The following MPDZ variants were observed in gnomAD, a reference collection of about 807,000 sequenced individuals.
MPDZ encodes the protein multiple PDZ domain crumbs cell polarity complex component, also known as multiple PDZ domain protein.
In MPDZ, 234 loss-of-function variants were observed where a neutral mutation model predicts 239.1. The ratio of observed to expected loss-of-function variants is 0.98; its 90% CI spans 0.88 to 1.09. The LOEUF is 1.09. MPDZ is among the 50% of genes least tolerant of loss of function. The probability of loss-of-function intolerance (pLI) is 0.00; values close to 1 mark genes in which losing one functional copy is unlikely to be tolerated. For missense variants in MPDZ, 3,175 were observed against 2,510.0 expected, an observed-to-expected ratio of 1.26 and a Z score of -5.66; for synonymous variants, 1,048 against 881.3, an observed-to-expected ratio of 1.19 and a Z score of -3.35.
At chr9:13,275,039 T>C (rs1010603947) in intron 1 of MPDZ, among the ~76,000 whole-genome samples, 1 of 152,216 alleles carries the variant, frequency 6.6e-6, no homozygotes, top group Admixed American at 6.5e-5. Flanking sequence ...AATACCTTTG[T>C]CCTCAAATAG....
At chr9:13,146,022 A>C (rs1948389070) in intron 26 of MPDZ, among the ~76,000 whole-genome samples, 2 of 152,110 alleles carry the variant, frequency 1.3e-5, no homozygotes, top group Non-Finnish European at 1.5e-5. Context: ...TTTAACACAC[A>C]AATGGGAATA....
chr9:13,242,714 A>G (rs767948892), intron 3 of MPDZ, among the ~76,000 whole-genome samples: 1 of 152,124 alleles, frequency 6.6e-6, no homozygotes, highest in African/African-American at 2.4e-5. Flanking sequence ...TCTCCTGCCA[A>G]TACCCCTCAT....
chr9:13,219,968 CAT>C (rs1335371574), intron 7 of MPDZ, among the ~76,000 whole-genome samples, 200 bp from the exon 8 acceptor site: 1 of 151,932 alleles, frequency 6.6e-6, no homozygotes, highest in Non-Finnish European at 1.5e-5. Flanking sequence ...ATGAAATTCA[CAT>C]ATAGTCTTTA....
chr9:13,222,259 T>C lies in MPDZ; in HGVS notation c.721A>G (p.Ser241Gly). ...GGATTAGAGTGAGCTGAAATTGTGC[T>C]GGCTGCAGATGGAGAACGGGAAACT... ...PIVSRSPSAA[S>G]TISAHSNPVH... The change falls in exon 6 of 47, where the codon AGC becomes GGC. Residue 241 changes from serine (S) to glycine (G), a missense_variant. Transcript: ENST00000319217. 1 of 1,612,644 alleles carries C rather than the reference T, an allele frequency of 6.2e-7. No individual in the cohort carries two copies. Among genetic ancestry groups the C allele is most frequent in the African/African-American group, 1.3e-5 (1 of 74,978 alleles).
chr9:13,226,700 C>G (rs147451285), intron 3 of MPDZ, among the ~76,000 whole-genome samples: 1 of 152,134 alleles, frequency 6.6e-6, no homozygotes, highest in South Asian at 2.1e-4. Flanking sequence ...GATCCACACC[C>G]TGCTGTCATG....
chr9:13,144,128 G>T (rs573523282), intron 26 of MPDZ, among the ~76,000 whole-genome samples: 1 of 152,004 alleles, frequency 6.6e-6, no homozygotes, highest in Non-Finnish European at 1.5e-5. Flanking sequence ...TAAAAAAACA[G>T]TAATTTATTA....
intron 12 of MPDZ, 89 bp from the exon 13 acceptor site, chr9:13,196,319 C>G (rs1433308458): frequency 1.2e-6 from 1 of 839,334 alleles, no homozygotes; most frequent in African/African-American, 1.7e-5. Context: ...TGATCAGAAC[C>G]CGCTGTATCA....
At chr9:13,125,502 G>C (rs1359655646) in intron 34 of MPDZ, 112 bp from the exon 35 acceptor site, 1 of 920,728 alleles carries the variant, frequency 1.1e-6, no homozygotes, top group East Asian at 2.7e-5. Context: ...TAAGGGGAGG[G>C]ACAGATGCAA....
Position 13,122,301 on chromosome 9 carries a change from G to A in MPDZ, c.4954-131C>T, listed in dbSNP as rs1944467609. 4.0e-6 allele frequency: 3 copies of A among 751,838 alleles called. No homozygotes were observed. In the East Asian group the frequency reaches 8.1e-5, roughly 20 times the overall value. 46.6% of individuals were successfully genotyped at this position (751,838 alleles called of 1,614,324 possible). A position where few individuals can be genotyped will look rare whatever the true frequency, so the allele number is the denominator to read the frequency against. ...TATAAACTCTGGCTCTACAGTACAAGCTCCATATAATTCAAGGGAAAGTGT... is the reference window on the plus strand; with the variant it reads ...TATAAACTCTGGCTCTACAGTACAAACTCCATATAATTCAAGGGAAAGTGT... On this transcript the variant is annotated intron_variant, in intron 36 of 46. Coordinates refer to ENST00000319217, the MANE Select transcript of MPDZ (RefSeq NM_001378778.1).
chr9:13,254,162 G>A (rs755116986), intron 1 of MPDZ, among the ~76,000 whole-genome samples: 1 of 152,196 alleles, frequency 6.6e-6, no homozygotes, highest in Non-Finnish European at 1.5e-5. Flanking sequence ...AATAAAGTCT[G>A]AAATGGAATA....
intron 10 of MPDZ, among the ~76,000 whole-genome samples, chr9:13,210,568 T>A (rs1957504829): frequency 6.6e-6 from 1 of 152,024 alleles, no homozygotes; most frequent in Non-Finnish European, 1.5e-5. Context: ...GAAGAGGTTG[T>A]TTAGCTGCTT....
At chr9:13,226,364 G>T (rs182349762) in intron 3 of MPDZ, among the ~76,000 whole-genome samples, 1 of 152,196 alleles carries the variant, frequency 6.6e-6, no homozygotes, top group Admixed American at 6.5e-5. Context: ...TGCCTGGATT[G>T]TGACTTTTTA....
Position 13,219,735 on chromosome 9 carries a change from T to C in MPDZ, c.910A>G (p.Lys304Glu). Reference sequence around the variant, plus strand: ...CCTGCTAGATCTGTGTCACCAATCTTTAGAATGTGGTCTCCACTGCATAAA... The same window carrying C: ...CCTGCTAGATCTGTGTCACCAATCTCTAGAATGTGGTCTCCACTGCATAAA... Reference protein sequence around the residue: ...GRLCSGDHILKIGDTDLAGMS... With the variant: ...GRLCSGDHILEIGDTDLAGMS... The change falls in exon 8 of 47, where the codon AAG (lysine) becomes GAG (glutamate). Residue 304 changes from lysine (K) to glutamate (E), a missense_variant. Lys to Glu is a moderately conservative substitution (Grantham distance 56). Transcript: ENST00000319217. The C allele has an allele frequency of 6.2e-7, 1 of 1,612,634 alleles. No individual in the cohort carries two copies. The highest frequency in any genetic ancestry group is 8.5e-7 in the Non-Finnish European group (1 of 1,179,130).
intron 1 of MPDZ, among the ~76,000 whole-genome samples, chr9:13,267,410 A>T (rs1972027633): frequency 6.6e-6 from 1 of 152,176 alleles, no homozygotes; most frequent in Non-Finnish European, 1.5e-5. Flanking sequence ...AGGTTCAGAA[A>T]GATAGTGTTT....
chr9:13,225,088 A>C (rs763958912), intron 3 of MPDZ, among the ~76,000 whole-genome samples: 1 of 152,122 alleles, frequency 6.6e-6, no homozygotes, highest in African/African-American at 2.4e-5. Flanking sequence ...CCAATAAAAA[A>C]TGCTGAACAC....
rs1191543682 is a variant in MPDZ, at chr9:13,121,945, G to A, written c.5038-13C>T. 2.5e-6 allele frequency: 4 copies of A among 1,610,740 alleles called. No individual in the cohort carries two copies. The highest frequency in any genetic ancestry group is 2.5e-6 in the Non-Finnish European group (3 of 1,177,706). On this transcript the variant is annotated splice_polypyrimidine_tract_variant and intron_variant, in intron 37 of 46. Transcript: ENST00000319217. ...CAATTCCATTCACCTGTACAGAAATGGGACACTGACTGTAAGGAACATGAG... is the reference window on the plus strand; with the variant it reads ...CAATTCCATTCACCTGTACAGAAATAGGACACTGACTGTAAGGAACATGAG...
chr9:13,190,030 G>T, intron 16 of MPDZ, 84 bp downstream of exon 16: 1 of 1,219,766 alleles, frequency 8.2e-7, no homozygotes, highest in Non-Finnish European at 1.1e-6. Context: ...AAACATCTTT[G>T]ATGGTTATAA....
In MPDZ at chr9:13,224,443, A is replaced by G. The variant is rs1164405820; in HGVS notation, c.324T>C (p.Pro108=). ...GTTTCCCATTAATGTGTGGAATACC[A>G]GGTCCTGTAAGTGCTTCCAGATTCC... The part of the protein sequence containing the change: ...NNGNLEALTG[P]GIPHINGKPA... Residue 108 remains proline (P), a synonymous_variant, in exon 4 of 47, where the codon CCT becomes CCC. Coordinates refer to ENST00000319217, the MANE Select transcript of MPDZ (RefSeq NM_001378778.1). 1 of 1,612,952 alleles carries G rather than the reference A, an allele frequency of 6.2e-7. No individual in the cohort carries two copies.
intron 46 of MPDZ, among the ~76,000 whole-genome samples, chr9:13,108,583 C>A (rs574924729): frequency 1.3e-5 from 2 of 151,908 alleles, no homozygotes; most frequent in African/African-American, 4.8e-5. Context: ...AACAGAAATA[C>A]CAGTGCTCTA....
Sources: gnomAD v4.1 joint callset for allele counts (sites outside exome capture counted in the v4.1 genomes callset) on GRCh38, gnomAD v4.1.1 for gene constraint, MANE v1.5 for transcripts, NCBI Gene and HGNC (gene_info 2026-07-23, HGNC 2026-07-21) for gene names.